NRCAM: variants seen among roughly 807,000 people sequenced by gnomAD.
The protein encoded by NRCAM is neuronal cell adhesion molecule.
In NRCAM, 83 loss-of-function variants were observed where a neutral mutation model predicts 156.5. That is an observed-to-expected ratio of 0.53 (90% confidence interval 0.44 to 0.64). NRCAM has a LOEUF of 0.64. Ranked by LOEUF, NRCAM falls within the 30% of genes least tolerant of loss-of-function variation. The probability of loss-of-function intolerance (pLI) is 0.00; values close to 1 mark genes in which losing one functional copy is unlikely to be tolerated. For missense variants in NRCAM, 1,417 were observed against 1,597.3 expected, an observed-to-expected ratio of 0.89 and a Z score of 1.92; for synonymous variants, 538 against 563.9, an observed-to-expected ratio of 0.95 and a Z score of 0.65.
At chr7:108,419,298 AC>A (rs1806061678) in intron 1 of NRCAM, among the ~76,000 whole-genome samples, 1 of 152,158 alleles carries the variant, frequency 6.6e-6, no homozygotes, top group South Asian at 2.1e-4. Context: ...CGTTACCCTG[AC>A]CAGCTCACTT....
At chr7:108,151,311 C>A (rs111699080) in intron 32 of NRCAM, among the ~76,000 whole-genome samples, 2,156 of 152,094 alleles carry the variant, frequency 0.014, 58 homozygotes, top group African/African-American at 0.05. Context: ...TACATTTTTA[C>A]TAATGTAAAA....
intron 1 of NRCAM, among the ~76,000 whole-genome samples, chr7:108,439,295 A>C (rs983888815): frequency 4.6e-5 from 7 of 152,260 alleles, no homozygotes; most frequent in African/African-American, 1.7e-4. Flanking sequence ...AAGAAAGTAA[A>C]AAGACAACCC....
At chr7:108,304,835 C>G (rs2098691239) in intron 3 of NRCAM, among the ~76,000 whole-genome samples, 1 of 152,068 alleles carries the variant, frequency 6.6e-6, no homozygotes, top group Non-Finnish European at 1.5e-5. Flanking sequence ...TCTTTCCATA[C>G]CCTAGATATT....
chr7:108,289,180 G>A (rs1192406378), intron 3 of NRCAM, among the ~76,000 whole-genome samples: 1 of 152,064 alleles, frequency 6.6e-6, no homozygotes, highest in Non-Finnish European at 1.5e-5. Flanking sequence ...ACTACCAACA[G>A]TATAAATAGA....
chr7:108,383,350 T>C (rs1353299561), intron 2 of NRCAM, among the ~76,000 whole-genome samples: 1 of 152,230 alleles, frequency 6.6e-6, no homozygotes, highest in Non-Finnish European at 1.5e-5. Flanking sequence ...TCATGAGGAC[T>C]GCTAACCAGA....
At chr7:108,372,323 G>A (rs2099633423) in intron 2 of NRCAM, among the ~76,000 whole-genome samples, 1 of 151,670 alleles carries the variant, frequency 6.6e-6, no homozygotes, top group Non-Finnish European at 1.5e-5. Context: ...AAAAGCACCA[G>A]CAACCAAAAT....
chr7:108,207,975 G>A (rs1286096438), intron 12 of NRCAM, among the ~76,000 whole-genome samples: 2 of 152,044 alleles, frequency 1.3e-5, no homozygotes, highest in Non-Finnish European at 2.9e-5. Flanking sequence ...AAAATTACAT[G>A]TACAGGTAGG....
intron 25 of NRCAM, among the ~76,000 whole-genome samples, chr7:108,179,056 T>C (rs2062130024): frequency 6.6e-6 from 1 of 152,244 alleles, no homozygotes; most frequent in Admixed American, 6.5e-5. Context: ...CACATAGTTC[T>C]AGGCTTCTAA....
chr7:108,251,238 A>G (rs967647223), intron 3 of NRCAM, among the ~76,000 whole-genome samples: 1 of 152,360 alleles, frequency 6.6e-6, no homozygotes, highest in East Asian at 1.9e-4. Flanking sequence ...AAAAGCAAGG[A>G]AAGAAGAAAT....
At chr7:108,235,886 C>G (rs1359237882) in intron 5 of NRCAM, among the ~76,000 whole-genome samples, 1 of 152,126 alleles carries the variant, frequency 6.6e-6, no homozygotes, top group East Asian at 1.9e-4. Context: ...TGCTTGGCAC[C>G]CCTGGAGCTG....
intron 32 of NRCAM, among the ~76,000 whole-genome samples, chr7:108,154,186 T>C (rs2043427220): frequency 6.6e-6 from 1 of 152,172 alleles, no homozygotes; most frequent in Non-Finnish European, 1.5e-5. Flanking sequence ...CCTATATTAT[T>C]AAGACATTAT....
chr7:108,191,924 G>A, intron 17 of NRCAM, 71 bp from the exon 18 acceptor site: 9 of 1,494,596 alleles, frequency 6.0e-6, no homozygotes, highest in South Asian at 2.6e-5. Context: ...TTCACTGGCA[G>A]GAAAAAAACT....
chr7:108,390,747 T>C (rs979285332), intron 2 of NRCAM, among the ~76,000 whole-genome samples: 2 of 152,248 alleles, frequency 1.3e-5, no homozygotes, highest in Non-Finnish European at 2.9e-5. Flanking sequence ...GCTTTAAATG[T>C]GTCCCAGAGA....
chr7:108,168,973 C>CT (rs2151934515), intron 28 of NRCAM, among the ~76,000 whole-genome samples: 1 of 152,236 alleles, frequency 6.6e-6, no homozygotes, highest in African/African-American at 2.4e-5. Context: ...GAAATCCCTG[C>CT]TTTAGAGAAT....
intron 3 of NRCAM, among the ~76,000 whole-genome samples, chr7:108,246,182 C>T (rs776999013): frequency 2.6e-5 from 4 of 152,194 alleles, no homozygotes; most frequent in Non-Finnish European, 5.9e-5. Context: ...AATCCAATCA[C>T]AATTCACTAA....
At chr7:108,303,883 CATAATAT>C (rs2098673466) in intron 3 of NRCAM, among the ~76,000 whole-genome samples, 1 of 152,256 alleles carries the variant, frequency 6.6e-6, no homozygotes, top group African/African-American at 2.4e-5. Flanking sequence ...AATACAGATA[CATAATAT>C]ATATGTATAT....
At chr7:108,180,726 G>A (rs1459474130) in intron 24 of NRCAM, among the ~76,000 whole-genome samples, 1 of 152,146 alleles carries the variant, frequency 6.6e-6, no homozygotes, top group East Asian at 1.9e-4. Context: ...TGAGGCAAAT[G>A]GAGGACAATA....
chr7:108,264,985 G>A (rs568222531), intron 3 of NRCAM, among the ~76,000 whole-genome samples: 61 of 152,290 alleles, frequency 4.0e-4, no homozygotes, highest in Middle Eastern at 3.4e-3. Context: ...AAGAGGAGCC[G>A]AGACATCTGG....
chr7:108,248,360 G>T (rs1404808470), intron 3 of NRCAM, among the ~76,000 whole-genome samples: 1 of 152,070 alleles, frequency 6.6e-6, no homozygotes, highest in African/African-American at 2.4e-5. Context: ...CTTGCTGAAT[G>T]GTATGAACCA....
Sources: allele counts gnomAD v4.1 joint callset (sites outside exome capture counted in the v4.1 genomes callset), GRCh38; gene constraint gnomAD v4.1.1; transcripts MANE v1.5; gene names NCBI Gene and HGNC (gene_info 2026-07-23, HGNC 2026-07-21).